The following RGS6 variants were observed in gnomAD, a reference collection of about 807,000 sequenced individuals.
RGS6 encodes regulator of G-protein signaling 6.
A neutral mutation model predicts 78.5 loss-of-function variants in RGS6; 30 were observed. That is an observed-to-expected ratio of 0.38 (90% CI 0.29 to 0.52). RGS6 has a LOEUF of 0.52. RGS6 is among the 20% of genes least tolerant of loss of function. The pLI is 0.85. For synonymous variants in RGS6, 206 were observed against 206.0 expected (o/e 1.00, Z 0.00); for missense variants, 495 against 609.7 (o/e 0.81, Z 1.98).
At chr14:72,012,185 C>T (rs1276491335) in intron 2 of RGS6, among the ~76,000 whole-genome samples, 1 of 151,954 alleles carries the variant, frequency 6.6e-6, no homozygotes, top group East Asian at 1.9e-4. Flanking sequence ...AGGTGGGTTT[C>T]TGTTTTGTAG....
chr14:72,142,559 G>A (rs2096555153), intron 2 of RGS6, among the ~76,000 whole-genome samples: 1 of 152,178 alleles, frequency 6.6e-6, no homozygotes, highest in South Asian at 2.1e-4. Context: ...GTGCATCAAG[G>A]GCAGTGGCCT....
At chr14:72,425,599 A>G (rs997484509) in intron 3 of RGS6, among the ~76,000 whole-genome samples, 1 of 152,256 alleles carries the variant, frequency 6.6e-6, no homozygotes, top group African/African-American at 2.4e-5. Context: ...TTATAAAAAC[A>G]TAGTTATTTT....
At chr14:72,310,936 C>A (rs1019200918) in intron 2 of RGS6, among the ~76,000 whole-genome samples, 3 of 152,208 alleles carry the variant, frequency 2.0e-5, no homozygotes, top group African/African-American at 7.2e-5. Flanking sequence ...GCACCTACTT[C>A]CCAGTTCCCT....
chr14:72,304,783 G>A (rs1203320028), intron 2 of RGS6, among the ~76,000 whole-genome samples: 1 of 152,128 alleles, frequency 6.6e-6, no homozygotes, highest in Non-Finnish European at 1.5e-5. Flanking sequence ...GGGAGGTTGA[G>A]ACAGGAGAAC....
intron 11 of RGS6, among the ~76,000 whole-genome samples, chr14:72,477,507 GCGGGGCT>G (rs1302240324): frequency 6.6e-6 from 1 of 151,750 alleles, no homozygotes; most frequent in Non-Finnish European, 1.5e-5. Flanking sequence ...AAGCTATTTG[GCGGGGCT>G]CGGGGCTCGG....
At chr14:72,238,275 AG>A (rs1229233666) in intron 2 of RGS6, among the ~76,000 whole-genome samples, 1 of 152,110 alleles carries the variant, frequency 6.6e-6, no homozygotes, top group African/African-American at 2.4e-5. Flanking sequence ...GGCACAGGAG[AG>A]GGGGAGCGGG....
intron 2 of RGS6, among the ~76,000 whole-genome samples, chr14:72,163,451 C>T (rs1231938100): frequency 1.3e-5 from 2 of 152,172 alleles, no homozygotes; most frequent in Non-Finnish European, 2.9e-5. Context: ...GAGGCAGGTA[C>T]CGGACTCTCA....
At chr14:72,455,626 G>A (rs964425922) in intron 4 of RGS6, among the ~76,000 whole-genome samples, 5 of 152,096 alleles carry the variant, frequency 3.3e-5, no homozygotes, top group African/African-American at 1.2e-4. Flanking sequence ...CTTGATTAGT[G>A]GCTACTCTCA....
At chr14:72,571,595 C>A in the RGS6 span, among the ~76,000 whole-genome samples, 46 of 152,194 alleles carry the variant, frequency 3.0e-4, no homozygotes, top group African/African-American at 1.1e-3. Context: ...TTTCAACAAA[C>A]GGTGCTGGAA....
intron 14 of RGS6, among the ~76,000 whole-genome samples, chr14:72,516,090 T>C (rs915283984): frequency 3.3e-5 from 5 of 152,230 alleles, no homozygotes; most frequent in African/African-American, 1.2e-4. Flanking sequence ...ACTGACTTCG[T>C]CTCTGGACAT....
chr14:72,031,648 G>A (rs1420134951), intron 2 of RGS6, among the ~76,000 whole-genome samples: 3 of 152,204 alleles, frequency 2.0e-5, no homozygotes, highest in African/African-American at 7.2e-5. Context: ...AAGCAGCATA[G>A]GAAAATATGG....
At chr14:72,002,605 C>A (rs77664928) in intron 2 of RGS6, among the ~76,000 whole-genome samples, 5 of 149,798 alleles carry the variant, frequency 3.3e-5, no homozygotes, top group Non-Finnish European at 4.4e-5. Flanking sequence ...GCCAACTTTT[C>A]AAAAAAAAAA....
At chr14:72,043,734 G>T (rs2092620125) in intron 2 of RGS6, among the ~76,000 whole-genome samples, 1 of 152,082 alleles carries the variant, frequency 6.6e-6, no homozygotes. Context: ...GCTTAGTGGT[G>T]GTCTCTAAGC....
intron 2 of RGS6, among the ~76,000 whole-genome samples, chr14:72,247,495 T>G (rs1161935816): frequency 1.3e-5 from 2 of 152,214 alleles, no homozygotes; most frequent in Non-Finnish European, 2.9e-5. Context: ...AAATAGTGCT[T>G]GCTTTAGGCA....
At chr14:72,379,949 G>A (rs187762330) in intron 3 of RGS6, among the ~76,000 whole-genome samples, 180 of 152,136 alleles carry the variant, frequency 1.2e-3, no homozygotes, top group Non-Finnish European at 2.1e-3. Context: ...AAAACAGCAT[G>A]GTACTGTTAT....
intron 17 of RGS6, chr14:72,540,421 C>T: frequency 6.8e-7 from 1 of 1,469,410 alleles, no homozygotes; most frequent in Non-Finnish European, 9.0e-7. Context: ...TGTGCATCTT[C>T]TGCAGCAGCT....
chr14:72,246,636 G>C (rs186125058), intron 2 of RGS6, among the ~76,000 whole-genome samples: 1 of 152,074 alleles, frequency 6.6e-6, no homozygotes, highest in Non-Finnish European at 1.5e-5. Flanking sequence ...AAGGCTTGGC[G>C]CAGTGGCTCA....
At chr14:72,281,903 T>C (rs1567655432) in intron 2 of RGS6, among the ~76,000 whole-genome samples, 1 of 152,152 alleles carries the variant, frequency 6.6e-6, no homozygotes, top group Non-Finnish European at 1.5e-5. Flanking sequence ...TTTGTTAATA[T>C]ATAAGACACA....
chr14:72,619,981 G>A, the RGS6 span: 2 of 1,533,530 alleles, frequency 1.3e-6, no homozygotes, highest in Non-Finnish European at 1.7e-6. Context: ...AAGAGTAGCT[G>A]GTCCTGGTGG....
Sources: gnomAD v4.1 joint callset for allele counts (sites outside exome capture counted in the v4.1 genomes callset) on GRCh38, gnomAD v4.1.1 for gene constraint, MANE v1.5 for transcripts, NCBI Gene and HGNC (gene_info 2026-07-23, HGNC 2026-07-21) for gene names.